SLC66A1: variants seen among roughly 807,000 people sequenced by gnomAD.
SLC66A1 encodes the protein lysosomal amino acid transporter 1 homolog.
A neutral mutation model predicts 33.0 loss-of-function variants in SLC66A1; 23 were observed. The observed-to-expected ratio is 0.70, with a 90% CI of 0.50 to 0.99. The LOEUF is 0.99. Among genes scored for constraint, SLC66A1 ranks in the 50% least tolerant of loss-of-function variants. The pLI is 0.00. For missense variants in SLC66A1, 335 were observed against 383.6 expected (o/e 0.87, Z 1.06); for synonymous variants, 164 against 175.5 (o/e 0.93, Z 0.52).
chr1:19,322,382 CT>C (rs1449178654), intron 2 of SLC66A1, among the ~76,000 whole-genome samples: 1 of 152,140 alleles, frequency 6.6e-6, no homozygotes, highest in Admixed American at 6.5e-5. Context: ...GGCTGCCCCC[CT>C]GGTCTTCCCT....
intron 2 of SLC66A1, among the ~76,000 whole-genome samples, chr1:19,324,013 C>A (rs890016165): frequency 1.3e-5 from 2 of 152,192 alleles, no homozygotes; most frequent in African/African-American, 2.4e-5. Context: ...GCCAGAAGTC[C>A]TAAGAGGGTC....
chr1:19,328,594 A>G lies in SLC66A1; in HGVS notation c.827A>G (p.Tyr276Cys), dbSNP rs2093881953. The change falls in exon 8 of 8, where the codon TAC becomes TGC. Residue 276 changes from tyrosine (Y) to cysteine (C), a missense_variant. Tyr to Cys is a radical substitution (Grantham distance 194, BLOSUM62 -2). Coordinates refer to ENST00000375153, the MANE Select transcript of SLC66A1 (RefSeq NM_001040125.2). The surrounding 1 kb of genome is among the most constrained non-coding windows in gnomAD (Gnocchi z 4.7). ...DTIISIQFLV[Y>C]RRSTAASELE... ...CAGATCTCCATCCAGTTCCTGGTGT[A>G]CAGGCGCAGCACCGCCGCCTCGGAG... The G allele has an allele frequency of 1.2e-6, 2 of 1,613,678 alleles. No homozygotes were observed. The highest frequency in any genetic ancestry group is 2.2e-5 in the South Asian group (2 of 91,046).
chr1:19,328,743 G>A lies in SLC66A1; in HGVS notation c.*100G>A. On this transcript the variant is annotated 3_prime_UTR_variant, in exon 8 of 8. Transcript: ENST00000375153. The surrounding 1 kb of genome is among the most constrained non-coding windows in gnomAD (Gnocchi z 4.7). ...TGGTACGGCGGCCCTGCATCAGCCT[G>A]CGGGTGGCCTCTGGATCCTCCGTGG... The A allele has an allele frequency of 5.3e-6, 7 of 1,326,248 alleles. No homozygotes were observed. In the South Asian group the frequency reaches 7.6e-5, roughly 14 times the overall value. 82.2% of individuals were successfully genotyped at this position (1,326,248 alleles called of 1,614,324 possible). A position where few individuals can be genotyped will look rare whatever the true frequency, so the allele number is the denominator to read the frequency against.
rs371545601 is a variant in SLC66A1 at position 19,320,650 on chromosome 1, T to C, written c.164+2809T>C. 6.5e-4 allele frequency among the ~76,000 whole-genome samples: 99 copies of C among 151,706 alleles called. 1 individual carries two copies. The highest frequency in any genetic ancestry group is 2.3e-3 in the East Asian group (12 of 5,142). On this transcript the variant is annotated intron_variant, in intron 2 of 7. Coordinates refer to ENST00000375153, the MANE Select transcript of SLC66A1 (RefSeq NM_001040125.2). ...CAGGATGGTCTCGATTTCCTGACCT[T>C]GTGATCCGCCCGCCTTGGCCTCCCA...
intron 1 of SLC66A1, among the ~76,000 whole-genome samples, chr1:19,316,300 C>T (rs1318662336): frequency 6.6e-6 from 1 of 152,096 alleles, no homozygotes; most frequent in Non-Finnish European, 1.5e-5. Flanking sequence ...CCCCGGGGAT[C>T]CCTTGCTCCT....
Position 19,317,812 on chromosome 1 carries a change from C to T in SLC66A1, c.135C>T (p.Ser45=). 1 of 1,614,108 alleles carries T rather than the reference C, an allele frequency of 6.2e-7. No individual in the cohort carries two copies. The highest frequency in any genetic ancestry group is 1.1e-5 in the South Asian group (1 of 91,054). The change falls in exon 2 of 8, where the codon TCC becomes TCT. Residue 45 remains serine, a synonymous_variant. Coordinates refer to ENST00000375153, the MANE Select transcript of SLC66A1 (RefSeq NM_001040125.2). ...CCAGCGTGGGCCTGGGCTTGATCTC[C>T]ATTCTCTGCTTTGCTGCATCTACCT... is the stretch of plus-strand genomic sequence containing the variant. ...DEASVGLGLI[S]ILCFAASTFP...
In SLC66A1 at chr1:19,312,472, T is replaced by G. The variant is rs2093781942; in HGVS notation, c.-496T>G. On this transcript the variant is annotated 5_prime_UTR_variant, in exon 1 of 8. Coordinates refer to ENST00000375153, the MANE Select transcript of SLC66A1 (RefSeq NM_001040125.2). Reference sequence around the variant, plus strand: ...CCGGCCGCTGGACTGTCCCGGCTCCTGCGCCCTCCTTGTGGCGCGATATCG... The same window carrying G: ...CCGGCCGCTGGACTGTCCCGGCTCCGGCGCCCTCCTTGTGGCGCGATATCG... The G allele has an allele frequency of 6.0e-6, 1 of 166,918 alleles. No individual in the cohort carries two copies. Among genetic ancestry groups the G allele is most frequent in the Non-Finnish European group, 1.3e-5 (1 of 77,764 alleles). 10.3% of individuals were successfully genotyped at this position (166,918 alleles called of 1,614,324 possible).
chr1:19,327,734 G>A lies in SLC66A1; in HGVS notation c.804+322G>A, dbSNP rs531606261. On this transcript the variant is annotated intron_variant, in intron 7 of 7. Coordinates refer to ENST00000375153, the MANE Select transcript of SLC66A1 (RefSeq NM_001040125.2). Reference sequence around the variant, plus strand: ...CATTGCAGTGGCACCAAGTGCTGCAGAGAAAAACAACAAGAGCGTCTAGCC... The same window carrying A: ...CATTGCAGTGGCACCAAGTGCTGCAAAGAAAAACAACAAGAGCGTCTAGCC... 152 of 516,068 alleles carry A rather than the reference G, an allele frequency of 2.9e-4. 1 individual carries two copies. Among genetic ancestry groups the A allele is most frequent in the African/African-American group, 2.7e-3 (136 of 50,196 alleles). 32.0% of individuals were successfully genotyped at this position (516,068 alleles called of 1,614,324 possible).
intron 2 of SLC66A1, among the ~76,000 whole-genome samples, chr1:19,323,541 G>A (rs535717827): frequency 9.6e-4 from 146 of 152,180 alleles, no homozygotes; most frequent in African/African-American, 3.1e-3. Context: ...TGAACAGCTG[G>A]GATTACAGGC....
In SLC66A1 at chr1:19,328,610, C is replaced by T. The variant is rs185683710; in HGVS notation, c.843C>T (p.Ala281=). Residue 281 remains alanine (A), a synonymous_variant, in exon 8 of 8, where the codon GCC becomes GCT. Transcript: ENST00000375153. The surrounding 1 kb of genome is among the most constrained non-coding windows in gnomAD (Gnocchi z 4.7). ...TCCTGGTGTACAGGCGCAGCACCGC[C>T]GCCTCGGAGCTTGAGCCCCTCCTCC... ...IQFLVYRRST[A]ASELEPLLPS is the part of the protein sequence containing the mutation. 4.2e-5 allele frequency: 67 copies of T among 1,613,808 alleles called. No homozygotes were observed. In the East Asian group the frequency reaches 5.3e-4, roughly 13 times the overall value.
chr1:19,328,495 T>C lies in SLC66A1; in HGVS notation c.805-77T>C. ...GGGAGGGAGGGGAGAGGGAGGCAGC[T>C]CCCAGGAGTCGAAGGCCCCCAGGGG... On this transcript the variant is annotated intron_variant, in intron 7 of 7. Transcript: ENST00000375153. This position sits in a 1 kb window ranked among gnomAD's most constrained non-coding sequence, Gnocchi z 4.7. 1 of 1,371,324 alleles carries C rather than the reference T, an allele frequency of 7.3e-7. No individual in the cohort carries two copies. Among genetic ancestry groups the C allele is most frequent in the Non-Finnish European group, 1.0e-6 (1 of 985,162 alleles). The allele number at this position is 1,371,324 out of a possible 1,614,324, so 84.9% of individuals were successfully genotyped here.
At position 19,329,196 on chromosome 1, in the gene SLC66A1, G is replaced by A. The variant is rs1486185921; in HGVS notation, c.*553G>A. On this transcript the variant is annotated 3_prime_UTR_variant, in exon 8 of 8. Transcript: ENST00000375153. ...TGTTTGAACCTGGGAGACAGAGGTTGCGGTGAACCGAGATCGTGCCACTGT... is the reference window on the plus strand; with the variant it reads ...TGTTTGAACCTGGGAGACAGAGGTTACGGTGAACCGAGATCGTGCCACTGT... 1 of 154,132 alleles carries A rather than the reference G, an allele frequency of 6.5e-6. No individual in the cohort carries two copies. Among genetic ancestry groups the A allele is most frequent in the Non-Finnish European group, 1.4e-5 (1 of 69,346 alleles). 9.5% of individuals were successfully genotyped at this position (154,132 alleles called of 1,614,324 possible). A position where few individuals can be genotyped will look rare whatever the true frequency, so the allele number is the denominator to read the frequency against.
intron 2 of SLC66A1, among the ~76,000 whole-genome samples, chr1:19,318,633 G>A (rs1170101693): frequency 6.6e-6 from 1 of 152,008 alleles, no homozygotes; most frequent in Non-Finnish European, 1.5e-5. Flanking sequence ...ATCTGCAGAG[G>A]CGGAAGAAGA....
At chr1:19,332,101 CAAG>C (rs780917416), downstream of SLC66A1, among the ~76,000 whole-genome samples, 42 of 152,180 alleles carry the variant, frequency 2.8e-4, no homozygotes, top group Admixed American at 1.3e-3. Flanking sequence ...TCCAGCGCCC[CAAG>C]GAGGATTCAA....
intron 2 of SLC66A1, among the ~76,000 whole-genome samples, chr1:19,322,141 C>G (rs1445825908): frequency 2.0e-5 from 3 of 151,596 alleles, no homozygotes; most frequent in African/African-American, 7.3e-5. Context: ...GCTGTGGAAG[C>G]CTTCAGCAAG....
intron 2 of SLC66A1, among the ~76,000 whole-genome samples, chr1:19,319,605 G>GTTTTTTTTTTGTTTTTTTTTTTTTTTT (rs56769657): frequency 8.8e-4 from 98 of 111,844 alleles, no homozygotes; most frequent in African/African-American, 3.3e-3. Context: ...GCACATTCAT[G>GTTTTTTTTTTGTTTTTTTTTTTTTTTT]TTTTTTTTTT....
chr1:19,317,512 A>G, intron 1 of SLC66A1, 88 bp from the exon 2 acceptor site: 1 of 1,402,316 alleles, frequency 7.1e-7, no homozygotes, highest in Non-Finnish European at 9.3e-7. Context: ...GAGCCCCGTG[A>G]AAAGGCTGGG....
Position 19,326,395 on chromosome 1 carries a change from G to A in SLC66A1, c.525+8G>A, listed in dbSNP as rs369499831. The A allele has an allele frequency of 5.1e-5, 82 of 1,606,808 alleles. No individual in the cohort carries two copies. The Admixed American group carries it at 6.9e-4, about 13-fold the overall frequency. On this transcript the variant is annotated splice_region_variant and intron_variant, in intron 5 of 7. Coordinates refer to ENST00000375153, the MANE Select transcript of SLC66A1 (RefSeq NM_001040125.2). ...GTGGAGTCGGGCAGCAAGGTGAGGC[G>A]TGGGCGTGGCGGTCGAAGGGATGGA... is the stretch of plus-strand genomic sequence containing the variant.
At position 19,325,489 on chromosome 1, in the gene SLC66A1, T is replaced by G. The variant is rs923039528; in HGVS notation, c.295-6T>G. On this transcript the variant is annotated splice_region_variant and splice_polypyrimidine_tract_variant and intron_variant, in intron 3 of 7. Coordinates refer to ENST00000375153, the MANE Select transcript of SLC66A1 (RefSeq NM_001040125.2). ...CCAACCCCTGGGCCCCCTGCATCTC[T>G]TACAGACCTACACGGCTGTGTATTA... The G allele has an allele frequency of 1.3e-6, 2 of 1,596,148 alleles. No individual in the cohort carries two copies. The highest frequency in any genetic ancestry group is 1.7e-6 in the Non-Finnish European group (2 of 1,164,228).
Sources: gnomAD v4.1 joint callset for allele counts (sites outside exome capture counted in the v4.1 genomes callset) on GRCh38, gnomAD v4.1.1 for gene constraint, Gnocchi (gnomAD v3.1) non-coding constraint, MANE v1.5 for transcripts, NCBI Gene and HGNC (gene_info 2026-07-23, HGNC 2026-07-21) for gene names.